CTNNA1: variants seen among roughly 807,000 people sequenced by gnomAD.
The protein encoded by CTNNA1 is catenin alpha-1.
Under a neutral mutation model 98.4 loss-of-function variants are expected in CTNNA1, and 37 were observed. The observed-to-expected ratio is 0.38, with a 90% CI of 0.29 to 0.49. CTNNA1 has a LOEUF of 0.49. Among genes scored for constraint, CTNNA1 ranks in the 20% least tolerant of loss-of-function variants. The probability of loss-of-function intolerance (pLI) is 0.95; values close to 1 mark genes in which losing one functional copy is unlikely to be tolerated. For missense variants in CTNNA1, 761 were observed against 1,147.2 expected (o/e 0.66, Z 4.86); for synonymous variants, 404 against 413.2 (o/e 0.98, Z 0.27).
chr5:138,861,721 C>T (rs1464842281), intron 7 of CTNNA1, among the ~76,000 whole-genome samples: 1 of 152,134 alleles, frequency 6.6e-6, no homozygotes, highest in Non-Finnish European at 1.5e-5. Context: ...TATTCTTGGT[C>T]TTTTAAAAGT....
At chr5:138,777,791 G>A (rs1481539709) in intron 1 of CTNNA1, among the ~76,000 whole-genome samples, 1 of 150,340 alleles carries the variant, frequency 6.7e-6, no homozygotes, top group Admixed American at 6.6e-5. Context: ...AGGCTGCAGC[G>A]AGCTGAGATG....
chr5:138,933,871 G>T lies in CTNNA1; in HGVS notation c.2503G>T (p.Ala835Ser). Residue 835 changes from alanine to serine, a missense_variant, in exon 18 of 18, where the codon GCA (alanine) becomes TCA (serine). Ala to Ser is a moderately conservative substitution (Grantham distance 99, BLOSUM62 1). Around this residue, in one of 6 missense-constraint regions of CTNNA1, gnomAD observed 57 missense variants for 90.9 expected, o/e 0.63. Transcript: ENST00000302763. The part of the protein sequence containing the change: ...LMNAVVQTVK[A>S]SYVASTKYQK... ...GAATGCTGTGGTGCAGACAGTGAAG[G>T]CATCCTACGTCGCCTCTACCAAATA... 6.2e-7 allele frequency: 1 copy of T among 1,614,156 alleles called. No individual in the cohort carries two copies. The highest frequency in any genetic ancestry group is 8.5e-7 in the Non-Finnish European group (1 of 1,180,018).
At chr5:138,790,701 A>G (rs984634754) in intron 3 of CTNNA1, among the ~76,000 whole-genome samples, 2 of 152,212 alleles carry the variant, frequency 1.3e-5, no homozygotes, top group African/African-American at 4.8e-5. Context: ...TTGGAGTAGA[A>G]AATCAAGAAA....
chr5:138,849,989 AAC>A (rs140124029), intron 7 of CTNNA1, among the ~76,000 whole-genome samples: 9 of 151,134 alleles, frequency 6.0e-5, no homozygotes, highest in Non-Finnish European at 8.9e-5. Context: ...GATACAATAA[AAC>A]ACACACACAC....
At chr5:138,754,231 G>GT (rs11382611) in intron 1 of CTNNA1, 93,813 of 145,716 alleles carry the variant, frequency 0.64, 30,347 homozygotes, top group East Asian at 0.93. Flanking sequence ...CATTAGAGAG[G>GT]TTTTTTTTTT....
chr5:138,861,575 T>G (rs1325944448), intron 7 of CTNNA1, among the ~76,000 whole-genome samples: 1 of 152,126 alleles, frequency 6.6e-6, no homozygotes, highest in African/African-American at 2.4e-5. Flanking sequence ...CAATTCACAT[T>G]CCCCACTCCC....
chr5:138,763,421 C>CT (rs940349629), intron 1 of CTNNA1, among the ~76,000 whole-genome samples: 47 of 151,432 alleles, frequency 3.1e-4, no homozygotes, highest in Admixed American at 1.1e-3. Flanking sequence ...TTAATCCAAG[C>CT]TTTTTTTTTG....
At chr5:138,885,589 A>G (rs1335247542) in intron 7 of CTNNA1, among the ~76,000 whole-genome samples, 1 of 152,104 alleles carries the variant, frequency 6.6e-6, no homozygotes, top group Non-Finnish European at 1.5e-5. Context: ...TTTACATACC[A>G]CTTCAAGAGT....
At chr5:138,856,046 G>C (rs1005411299) in intron 7 of CTNNA1, among the ~76,000 whole-genome samples, 20 of 152,106 alleles carry the variant, frequency 1.3e-4, no homozygotes, top group Non-Finnish European at 2.9e-4. Flanking sequence ...GAAACTTGTT[G>C]ATACATATTT....
chr5:138,846,150 C>T (rs1762710829), intron 7 of CTNNA1, among the ~76,000 whole-genome samples: 1 of 152,140 alleles, frequency 6.6e-6, no homozygotes, highest in Admixed American at 6.5e-5. Context: ...CAGGGTTTCA[C>T]CATCTTGGCC....
chr5:138,808,225 C>T (rs1350663683), intron 3 of CTNNA1, among the ~76,000 whole-genome samples: 1 of 152,126 alleles, frequency 6.6e-6, no homozygotes, highest in Non-Finnish European at 1.5e-5. Flanking sequence ...CCTTTGAGAC[C>T]AAATGCCGTG....
intron 4 of CTNNA1, among the ~76,000 whole-genome samples, chr5:138,811,527 A>C (rs1322493172): frequency 6.7e-6 from 1 of 150,262 alleles, no homozygotes; most frequent in East Asian, 2.0e-4. Flanking sequence ...GCGGCCGGGC[A>C]GAGGCTGCAC....
At chr5:138,849,575 G>T (rs917035294) in intron 7 of CTNNA1, among the ~76,000 whole-genome samples, 1 of 152,174 alleles carries the variant, frequency 6.6e-6, no homozygotes, top group African/African-American at 2.4e-5. Flanking sequence ...TTATAGTTAA[G>T]CAGGGCTGAC....
chr5:138,776,520 C>T (rs1350653070), intron 1 of CTNNA1, among the ~76,000 whole-genome samples: 3 of 152,334 alleles, frequency 2.0e-5, no homozygotes, highest in South Asian at 2.1e-4. Context: ...TCCACAAAAC[C>T]GCCATCGTCA....
chr5:138,792,483 C>T (rs1221926834), intron 3 of CTNNA1, among the ~76,000 whole-genome samples: 6 of 152,130 alleles, frequency 3.9e-5, no homozygotes, highest in African/African-American at 9.7e-5. Flanking sequence ...GGACAAAGCA[C>T]GTATCAGTGA....
intron 6 of CTNNA1, among the ~76,000 whole-genome samples, chr5:138,825,737 G>A (rs953637442): frequency 6.6e-6 from 1 of 151,876 alleles, no homozygotes; most frequent in Non-Finnish European, 1.5e-5. Flanking sequence ...ATGCATGGCC[G>A]ATTTAAGACT....
At chr5:138,850,425 T>A (rs897813145) in intron 7 of CTNNA1, among the ~76,000 whole-genome samples, 2 of 152,234 alleles carry the variant, frequency 1.3e-5, no homozygotes, top group Admixed American at 6.5e-5. Context: ...TCGAGTGGCC[T>A]TAGTCTAGGT....
chr5:138,816,349 T>C (rs1464908193), intron 5 of CTNNA1, among the ~76,000 whole-genome samples: 3 of 152,222 alleles, frequency 2.0e-5, no homozygotes, highest in Admixed American at 6.5e-5. Flanking sequence ...CAGGAATGCA[T>C]GTCTCTCTTT....
At chr5:138,766,455 T>G (rs1404967059) in intron 1 of CTNNA1, among the ~76,000 whole-genome samples, 2 of 150,218 alleles carry the variant, frequency 1.3e-5, no homozygotes, top group Non-Finnish European at 3.0e-5. Flanking sequence ...TGTTTTGTTT[T>G]TTTTTTTTTT....
Sources: allele counts gnomAD v4.1 joint callset (sites outside exome capture counted in the v4.1 genomes callset), GRCh38; gene constraint gnomAD v4.1.1; regional missense constraint gnomAD v4.1.1; transcripts MANE v1.5; gene names NCBI Gene and HGNC (gene_info 2026-07-23, HGNC 2026-07-21).